The following VPS8 variants were observed in gnomAD, a reference collection of about 807,000 sequenced individuals.
The protein encoded by VPS8 is vacuolar protein sorting-associated protein 8 homolog.
Under a neutral mutation model 216.4 loss-of-function variants are expected in VPS8, and 129 were observed. The ratio of observed to expected loss-of-function variants is 0.60; its 90% CI spans 0.52 to 0.69. The LOEUF (loss-of-function observed/expected upper bound fraction) is 0.69. VPS8 is among the 30% of genes least tolerant of loss of function. VPS8 has a pLI of 0.00. For synonymous variants in VPS8, 571 were observed against 565.4 expected, an observed-to-expected ratio of 1.01 and a Z score of -0.14; for missense variants, 1,531 against 1,683.5, an observed-to-expected ratio of 0.91 and a Z score of 1.59.
intron 22 of VPS8, among the ~76,000 whole-genome samples, chr3:184,889,558 G>T (rs542072533): frequency 2.0e-5 from 3 of 152,100 alleles, no homozygotes; most frequent in African/African-American, 4.8e-5. Flanking sequence ...AGACTAGATT[G>T]TACTAGATCC....
chr3:184,869,458 T>C (rs1727946914), intron 19 of VPS8, 24 bp from the exon 20 acceptor site: 2 of 1,612,536 alleles, frequency 1.2e-6, no homozygotes, highest in African/African-American at 2.7e-5. Context: ...TTTTGTTTTT[T>C]TGTTGGATTT....
chr3:184,879,633 AGGGATATTATCTG>A (rs1313674591), intron 21 of VPS8, among the ~76,000 whole-genome samples: 1 of 152,032 alleles, frequency 6.6e-6, no homozygotes, highest in Non-Finnish European at 1.5e-5. Context: ...ATGAGTTTAG[AGGGATATTATCTG>A]AGCTTGGGCA....
intron 45 of VPS8, among the ~76,000 whole-genome samples, chr3:185,010,644 A>G (rs1281885446): frequency 6.6e-6 from 1 of 152,096 alleles, no homozygotes; most frequent in Non-Finnish European, 1.5e-5. Context: ...TGGAGAAGAA[A>G]TGATTAGTGA....
chr3:184,944,261 T>C (rs1743281833), intron 36 of VPS8, among the ~76,000 whole-genome samples: 1 of 152,218 alleles, frequency 6.6e-6, no homozygotes, highest in Non-Finnish European at 1.5e-5. Context: ...ATTGGTGGCA[T>C]CTGTACATAG....
At chr3:184,864,587 A>G (rs1371247496) in intron 16 of VPS8, among the ~76,000 whole-genome samples, 1 of 152,194 alleles carries the variant, frequency 6.6e-6, no homozygotes, top group African/African-American at 2.4e-5. Context: ...TAGAATGGAA[A>G]GCTTCATGAT....
Position 184,928,462 on chromosome 3 carries a change from A to G in VPS8, c.2643A>G (p.Glu881=). 1.3e-6 allele frequency: 2 copies of G among 1,530,666 alleles called. No homozygotes were observed. The highest frequency in any genetic ancestry group is 1.7e-6 in the Non-Finnish European group (2 of 1,151,550). The allele number at this position is 1,530,666 out of a possible 1,614,324, so 94.8% of individuals were successfully genotyped here. ...TTGTAAATACTCAGGTCCTTTTAGA[A>G]TTGCTGCAGGCTGGAGGCATAGTTC... ...RHSERQQVLL[E]LLQAGGIVQF... The change falls in exon 32 of 48, where the codon GAA becomes GAG. Residue 881 remains glutamate, a synonymous_variant. Coordinates refer to ENST00000625842, the MANE Select transcript of VPS8 (RefSeq NM_001009921.3).
chr3:185,005,662 G>A (rs1203953686), intron 45 of VPS8, among the ~76,000 whole-genome samples: 2 of 145,302 alleles, frequency 1.4e-5, no homozygotes, highest in Non-Finnish European at 1.5e-5. Flanking sequence ...TATTCTTGCA[G>A]CTATTGTAAA....
intron 45 of VPS8, among the ~76,000 whole-genome samples, chr3:185,020,946 C>G (rs1470196281): frequency 6.6e-6 from 1 of 152,114 alleles, no homozygotes; most frequent in African/African-American, 2.4e-5. Flanking sequence ...GTGGGGTGCA[C>G]CTGTAATCCC....
intron 37 of VPS8, among the ~76,000 whole-genome samples, chr3:184,961,924 G>C (rs1560882610): frequency 6.6e-6 from 1 of 152,068 alleles, no homozygotes; most frequent in Non-Finnish European, 1.5e-5. Flanking sequence ...ACACCACCGT[G>C]CTAATTTTTG....
chr3:184,943,011 G>GT (rs777531622), intron 36 of VPS8, among the ~76,000 whole-genome samples: 17 of 152,134 alleles, frequency 1.1e-4, no homozygotes, highest in Non-Finnish European at 1.8e-4. Flanking sequence ...TTTAAGGTCT[G>GT]TTTTTGGTAT....
chr3:184,843,092 A>G (rs1361243452), intron 7 of VPS8, 148 bp from the exon 8 acceptor site: 8 of 475,500 alleles, frequency 1.7e-5, no homozygotes, highest in Non-Finnish European at 2.8e-5. Context: ...TAGAGGCATC[A>G]CTTAATCAAA....
intron 38 of VPS8, among the ~76,000 whole-genome samples, chr3:184,965,390 G>A (rs1747233706): frequency 6.6e-6 from 1 of 152,066 alleles, no homozygotes; most frequent in Non-Finnish European, 1.5e-5. Flanking sequence ...CATGAACCTA[G>A]TATTAAGGAA....
At chr3:184,990,506 A>C (rs1021704735) in intron 42 of VPS8, among the ~76,000 whole-genome samples, 3 of 152,196 alleles carry the variant, frequency 2.0e-5, no homozygotes, top group African/African-American at 7.2e-5. Context: ...CCAGTTTACA[A>C]ATCACTTTAG....
intron 5 of VPS8, among the ~76,000 whole-genome samples, chr3:184,837,739 G>A (rs1207982340): frequency 6.6e-6 from 1 of 152,166 alleles, no homozygotes; most frequent in Non-Finnish European, 1.5e-5. Flanking sequence ...CGCTGACAAG[G>A]ACAGACATAG....
intron 45 of VPS8, among the ~76,000 whole-genome samples, chr3:185,015,461 A>T (rs900584252): frequency 6.6e-6 from 1 of 152,246 alleles, no homozygotes; most frequent in Non-Finnish European, 1.5e-5. Flanking sequence ...TATCAAAAGC[A>T]GTCAATACCT....
intron 25 of VPS8, among the ~76,000 whole-genome samples, chr3:184,906,818 T>G (rs1017476791): frequency 4.6e-5 from 7 of 152,190 alleles, no homozygotes; most frequent in African/African-American, 1.7e-4. Context: ...TTCCTTAGGT[T>G]TCTTTTCCTC....
chr3:185,035,131 T>C (rs1001635122), intron 46 of VPS8, among the ~76,000 whole-genome samples: 7 of 152,058 alleles, frequency 4.6e-5, no homozygotes, highest in African/African-American at 1.7e-4. Context: ...AAAAAAGTAC[T>C]AGACCAGATG....
Position 184,824,374 on chromosome 3 carries a change from A to C in VPS8, c.-88-171A>C, listed in dbSNP as rs537259885. ...CTGTTCCTCCTTTATGCTCTCATTG[A>C]AACCCTCTCCTAATAACATACCCTG... On this transcript the variant is annotated intron_variant, in intron 1 of 47. Transcript: ENST00000625842. 1,201 of 361,362 alleles carry C rather than the reference A, an allele frequency of 3.3e-3. 8 individuals are homozygous for C. Among genetic ancestry groups the C allele is most frequent in the Non-Finnish European group, 4.6e-3 (902 of 195,932 alleles). 22.4% of individuals were successfully genotyped at this position (361,362 alleles called of 1,614,324 possible).
chr3:184,971,591 G>T, intron 39 of VPS8, 58 bp from the exon 40 acceptor site: 1 of 1,356,502 alleles, frequency 7.4e-7, no homozygotes, highest in Non-Finnish European at 1.0e-6. Flanking sequence ...TTTCACAGAG[G>T]CTCTGAGATT....
Sources: allele counts gnomAD v4.1 joint callset (sites outside exome capture counted in the v4.1 genomes callset), GRCh38; gene constraint gnomAD v4.1.1; transcripts MANE v1.5; gene names NCBI Gene and HGNC (gene_info 2026-07-23, HGNC 2026-07-21).